IFT88: variants seen among roughly 807,000 people sequenced by gnomAD.
IFT88 encodes intraflagellar transport 88.
In IFT88, 74 loss-of-function variants were observed where a neutral mutation model predicts 119.5. The observed-to-expected ratio is 0.62, with a 90% CI of 0.51 to 0.75. The LOEUF is 0.75. Ranked by LOEUF, IFT88 falls within the 30% of genes least tolerant of loss-of-function variation. The pLI, the probability that IFT88 is intolerant of heterozygous loss-of-function variation, is 0.00. For missense variants in IFT88, 961 were observed against 977.7 expected, an observed-to-expected ratio of 0.98 and a Z score of 0.23; for synonymous variants, 279 against 316.7, an observed-to-expected ratio of 0.88 and a Z score of 1.26.
intron 15 of IFT88, among the ~76,000 whole-genome samples, chr13:20,629,761 C>G (rs1277433372): frequency 6.6e-6 from 1 of 152,162 alleles, no homozygotes; most frequent in Non-Finnish European, 1.5e-5. Flanking sequence ...ATTATAAAAG[C>G]TAACACAGTT....
intron 9 of IFT88, among the ~76,000 whole-genome samples, chr13:20,597,876 G>A (rs937459802): frequency 7.2e-5 from 11 of 151,730 alleles, no homozygotes; most frequent in African/African-American, 2.7e-4. Flanking sequence ...ATTTTGATGA[G>A]ATTGTAATGT....
intron 6 of IFT88, 111 bp from the exon 7 acceptor site, chr13:20,592,224 C>T: frequency 1.3e-6 from 1 of 746,000 alleles, no homozygotes; most frequent in Non-Finnish European, 2.2e-6. Context: ...ATAATTGAAA[C>T]CATTTAATAA....
chr13:20,604,805 A>C (rs189115695), intron 12 of IFT88, among the ~76,000 whole-genome samples: 1 of 152,220 alleles, frequency 6.6e-6, no homozygotes, highest in African/African-American at 2.4e-5. Context: ...AAATACAAAA[A>C]TTAGCCAGGC....
At chr13:20,584,838 C>T (rs1016531626) in intron 3 of IFT88, among the ~76,000 whole-genome samples, 1 of 152,110 alleles carries the variant, frequency 6.6e-6, no homozygotes, top group African/African-American at 2.4e-5. Context: ...GCACTTGTGC[C>T]CCCCCACCAG....
chr13:20,663,159 T>C, intron 22 of IFT88: 7 of 933,432 alleles, frequency 7.5e-6, no homozygotes, highest in Non-Finnish European at 7.1e-6. Context: ...GTCTCTCTTA[T>C]AGCTCTTTAT....
chr13:20,612,927 A>G (rs530665986), intron 13 of IFT88, among the ~76,000 whole-genome samples: 13 of 152,232 alleles, frequency 8.5e-5, no homozygotes, highest in Non-Finnish European at 1.9e-4. Context: ...CTTTCACACC[A>G]TACACAAAAA....
intron 13 of IFT88, among the ~76,000 whole-genome samples, chr13:20,606,042 C>G (rs568263663): frequency 3.3e-4 from 50 of 151,926 alleles, no homozygotes; most frequent in Middle Eastern, 3.4e-3. Flanking sequence ...TTATCATTGG[C>G]CATTGGTGAT....
intron 19 of IFT88, 55 bp downstream of exon 19, chr13:20,643,660 A>G: frequency 7.8e-7 from 1 of 1,274,478 alleles, no homozygotes; most frequent in Non-Finnish European, 1.1e-6. Context: ...GAATTGTTAT[A>G]AAGAAGGCAG....
chr13:20,607,633 G>A, intron 13 of IFT88: 2 of 861,696 alleles, frequency 2.3e-6, no homozygotes, highest in Admixed American at 1.8e-5. Flanking sequence ...GTTTTTTTAT[G>A]ATCCCCACCT....
intron 20 of IFT88, among the ~76,000 whole-genome samples, chr13:20,652,285 TTAAG>T (rs1353231681): frequency 1.3e-5 from 2 of 152,176 alleles, no homozygotes; most frequent in Admixed American, 6.5e-5. Flanking sequence ...ATTGTGTCCT[TTAAG>T]TAGGTAAATT....
chr13:20,631,885 G>A (rs993975047), intron 16 of IFT88: 6 of 152,270 alleles, frequency 3.9e-5, no homozygotes, highest in Middle Eastern at 3.4e-3. Flanking sequence ...GGTGCCTCAA[G>A]CCTATAATCC....
At chr13:20,589,640 A>G (rs1054636172) in intron 3 of IFT88, among the ~76,000 whole-genome samples, 171 bp from the exon 4 acceptor site, 1 of 152,200 alleles carries the variant, frequency 6.6e-6, no homozygotes, top group Non-Finnish European at 1.5e-5. Context: ...TCCTTCTCAC[A>G]TAATTAAAAT....
intron 22 of IFT88, among the ~76,000 whole-genome samples, chr13:20,658,696 C>A (rs558606599): frequency 2.0e-4 from 30 of 152,286 alleles, no homozygotes; most frequent in African/African-American, 7.0e-4. Context: ...TTGGTAAAAT[C>A]CCTGGCCTCT....
In IFT88 at chr13:20,646,851, G is replaced by GT. The variant is rs574029572; in HGVS notation, c.1949+1904dup. ...TTTTCCCTTTCTTGCTAACATTCCT[G>GT]TTTTTTTTTTTCTCTCTCTCTCTCG... On this transcript the variant is annotated intron_variant, in intron 20 of 25. Transcript: ENST00000351808. Among the ~76,000 whole-genome samples the GT allele has an allele frequency of 7.3e-3, 1,024 of 140,668 alleles. 10 individuals carry two copies. The highest frequency in any genetic ancestry group is 0.022 in the African/African-American group (835 of 38,082). The allele number at this position is 140,668 out of a possible 152,430, so 92.3% of individuals were successfully genotyped here.
intron 24 of IFT88, among the ~76,000 whole-genome samples, chr13:20,689,892 G>A (rs1000944337): frequency 2.0e-5 from 3 of 152,130 alleles, no homozygotes. Flanking sequence ...CAAAAAGAGA[G>A]GGACAAAATA....
intron 23 of IFT88, among the ~76,000 whole-genome samples, chr13:20,669,569 G>T: frequency 6.6e-6 from 1 of 151,704 alleles, no homozygotes; most frequent in Non-Finnish European, 1.5e-5. Context: ...GATTACAGGC[G>T]CCTGCCACCA....
At chr13:20,569,981 C>T (rs2035960425) in intron 1 of IFT88, among the ~76,000 whole-genome samples, 1 of 151,178 alleles carries the variant, frequency 6.6e-6, no homozygotes, top group African/African-American at 2.4e-5. Flanking sequence ...GGAGGCGGAG[C>T]TTGCAGTGAG....
chr13:20,611,854 C>G (rs949447146), intron 13 of IFT88, among the ~76,000 whole-genome samples: 2 of 152,128 alleles, frequency 1.3e-5, no homozygotes. Flanking sequence ...GATCCACCCA[C>G]CTTGGCCTCC....
intron 1 of IFT88, chr13:20,567,881 C>G: frequency 1.8e-6 from 1 of 556,840 alleles, no homozygotes; most frequent in East Asian, 3.6e-5. Context: ...TTTTTTTTTT[C>G]GAGAAACTGC....
Sources: allele counts gnomAD v4.1 joint callset (sites outside exome capture counted in the v4.1 genomes callset), GRCh38; gene constraint gnomAD v4.1.1; transcripts MANE v1.5; gene names NCBI Gene and HGNC (gene_info 2026-07-23, HGNC 2026-07-21).